TMC7: variants seen among roughly 807,000 people sequenced by gnomAD.
TMC7 encodes the protein transmembrane channel like 7, also known as transmembrane channel-like protein 7.
Under a neutral mutation model 82.9 loss-of-function variants are expected in TMC7, and 54 were observed. That is an observed-to-expected ratio of 0.65 (90% CI 0.52 to 0.82). The LOEUF (loss-of-function observed/expected upper bound fraction) is 0.82, where lower values mean the gene tolerates loss of function less well. Ranked by LOEUF, TMC7 falls within the 40% of genes least tolerant of loss-of-function variation. TMC7 has a pLI of 0.00. For synonymous variants in TMC7, 350 were observed against 337.9 expected (o/e 1.04, Z -0.39); for missense variants, 820 against 901.2 (o/e 0.91, Z 1.15).
At chr16:19,019,773 C>A (rs950657391) in intron 3 of TMC7, among the ~76,000 whole-genome samples, 5 of 152,102 alleles carry the variant, frequency 3.3e-5, no homozygotes, top group Non-Finnish European at 7.4e-5. Flanking sequence ...TCCCTGGGAA[C>A]CGGGATTTTG....
chr16:18,987,753 C>G (rs1182661527), intron 1 of TMC7, among the ~76,000 whole-genome samples: 1 of 152,174 alleles, frequency 6.6e-6, no homozygotes, highest in East Asian at 1.9e-4. Context: ...GTCCTTGCAG[C>G]CACACTGGCA....
rs752452812 is a variant in TMC7 at position 19,040,459 on chromosome 16, A to G, written c.1337+13A>G. 1.9e-6 allele frequency: 3 copies of G among 1,605,444 alleles called. No homozygotes were observed. Among genetic ancestry groups the G allele is most frequent in the Admixed American group, 1.7e-5 (1 of 59,628 alleles). On this transcript the variant is annotated intron_variant, in intron 9 of 15. Transcript: ENST00000304381. ...TGACAATCCTTAGGTAATGCCTAAC[A>G]TGAAGATGGCAGGCATGTCAAGCCA...
intron 13 of TMC7, among the ~76,000 whole-genome samples, chr16:19,052,212 G>A (rs974506189): frequency 1.2e-4 from 18 of 152,026 alleles, no homozygotes; most frequent in Non-Finnish European, 2.2e-4. Context: ...GATTACAGGC[G>A]TGACGCACTG....
At chr16:19,061,749 A>G (rs1474689276) in intron 15 of TMC7, 29 bp from the exon 16 acceptor site, 1 of 1,594,388 alleles carries the variant, frequency 6.3e-7, no homozygotes, top group Admixed American at 1.7e-5. Context: ...AAATATATTA[A>G]ATGTACATGT....
intron 10 of TMC7, 80 bp downstream of exon 10, chr16:19,045,081 G>A: frequency 8.4e-7 from 1 of 1,186,228 alleles, no homozygotes; most frequent in Non-Finnish European, 1.3e-6. Flanking sequence ...AGCGGTTGAA[G>A]CCATGGGTTT....
chr16:19,060,999 C>CT (rs34398653), intron 15 of TMC7, among the ~76,000 whole-genome samples: 152 of 129,110 alleles, frequency 1.2e-3, no homozygotes, highest in South Asian at 1.5e-3. Context: ...GATGGCCAGT[C>CT]TTTTTTTTTT....
In TMC7 at chr16:19,056,580, TCAA is replaced by T; in HGVS notation, c.1913_1915del (p.Asn638del). On this transcript the variant is annotated inframe_deletion, in exon 14 of 16. Transcript: ENST00000304381. Reference sequence around the variant, plus strand: ...AAAGCCTGTGGGCCGTTCACCAACTTCAACACCACCTGGGAGGTCATCCCCAAG... The same window carrying T: ...AAAGCCTGTGGGCCGTTCACCAACTTCACCACCTGGGAGGTCATCCCCAAG... 1 of 1,614,078 alleles carries T rather than the reference TCAA, an allele frequency of 6.2e-7. No homozygotes were observed. The highest frequency in any genetic ancestry group is 8.5e-7 in the Non-Finnish European group (1 of 1,179,996).
chr16:19,039,993 G>A (rs1298226686), intron 8 of TMC7, among the ~76,000 whole-genome samples: 1 of 151,572 alleles, frequency 6.6e-6, no homozygotes, highest in Non-Finnish European at 1.5e-5. Flanking sequence ...GGGGGTGCCT[G>A]TAGTCCCAGC....
intron 14 of TMC7, among the ~76,000 whole-genome samples, chr16:19,059,078 A>G (rs991712402): frequency 1.3e-5 from 2 of 152,064 alleles, no homozygotes; most frequent in South Asian, 2.1e-4. Context: ...GGGTTTCACC[A>G]TGTTGGTCAG....
At chr16:19,047,350 CA>C in intron 12 of TMC7, 101 bp downstream of exon 12, 1 of 882,342 alleles carries the variant, frequency 1.1e-6, no homozygotes, top group Non-Finnish European at 1.7e-6. Flanking sequence ...TGAGACGTAT[CA>C]AAATTACATC....
intron 5 of TMC7, among the ~76,000 whole-genome samples, chr16:19,025,218 GT>G (rs1960166571): frequency 6.6e-6 from 1 of 152,100 alleles, no homozygotes; most frequent in African/African-American, 2.4e-5. Flanking sequence ...ATGTTTCCTA[GT>G]GGACAAAATT....
chr16:19,004,926 T>C (rs995156353), intron 1 of TMC7, among the ~76,000 whole-genome samples: 164 of 151,790 alleles, frequency 1.1e-3, no homozygotes, highest in African/African-American at 3.9e-3. Context: ...TGGTCTTGAA[T>C]TCCTGGGCTC....
At chr16:19,005,184 G>C (rs1262878506) in intron 1 of TMC7, among the ~76,000 whole-genome samples, 1 of 151,942 alleles carries the variant, frequency 6.6e-6, no homozygotes, top group Non-Finnish European at 1.5e-5. Flanking sequence ...TGCCTCCTGG[G>C]TTCACGCCAT....
chr16:19,017,319 AAAT>A (rs1480892801), intron 3 of TMC7, among the ~76,000 whole-genome samples: 6 of 150,072 alleles, frequency 4.0e-5, no homozygotes, highest in South Asian at 2.1e-4. Context: ...TATTATTTAA[AAAT>A]AATATTAAAT....
chr16:18,990,949 A>T lies in TMC7; in HGVS notation c.67+6819A>T, dbSNP rs939469192. On this transcript the variant is annotated intron_variant, in intron 1 of 15. Coordinates refer to ENST00000304381, the MANE Select transcript of TMC7 (RefSeq NM_024847.4). Reference sequence around the variant, plus strand: ...ATGTATACGTGCAGGTCACTGGGATATGATGGCTTAGCTTGGACTCAGAGG... The same window carrying T: ...ATGTATACGTGCAGGTCACTGGGATTTGATGGCTTAGCTTGGACTCAGAGG... 2.0e-5 allele frequency among the ~76,000 whole-genome samples: 3 copies of T among 152,210 alleles called. No individual in the cohort carries two copies. In the South Asian group the frequency reaches 6.2e-4, roughly 32 times the overall value.
chr16:18,994,226 G>A (rs1186541709), intron 1 of TMC7, among the ~76,000 whole-genome samples: 1 of 152,118 alleles, frequency 6.6e-6, no homozygotes, highest in Non-Finnish European at 1.5e-5. Flanking sequence ...TGAAAGTTAT[G>A]AGAACTGTAG....
chr16:19,030,079 C>A, intron 5 of TMC7, 145 bp from the exon 6 acceptor site: 1 of 776,094 alleles, frequency 1.3e-6, no homozygotes, highest in Non-Finnish European at 2.1e-6. Flanking sequence ...TGAATACTCC[C>A]TGTGCCTCTG....
Position 19,021,778 on chromosome 16 carries a change from A to T in TMC7, c.610A>T (p.Ile204Phe). The change falls in exon 4 of 16, where the codon ATT (isoleucine) becomes TTT (phenylalanine). Residue 204 changes from isoleucine to phenylalanine, a missense_variant. This residue lies in a region of TMC7 where 650 missense variants were observed against 669.9 expected (regional missense o/e 0.97). Transcript: ENST00000304381. ...GATCACCAACAGCAGCTTCGTGCTC[A>T]TTCCTTTCAAAGACATGGGTGAGTG... Reference protein sequence around the residue: ...YKITNSSFVLIPFKDMDKQCT... With the variant: ...YKITNSSFVLFPFKDMDKQCT... The T allele has an allele frequency of 6.2e-7, 1 of 1,614,204 alleles. No homozygotes were observed. Among genetic ancestry groups the T allele is most frequent in the Non-Finnish European group, 8.5e-7 (1 of 1,180,038 alleles).
chr16:19,020,352 C>T lies in TMC7; in HGVS notation c.461-1277C>T, dbSNP rs146336230. ...GTTCTAGCCAATGTAGTAGGATGGG[C>T]GGGGGGAAGGATAATAATTGGAAAG... On this transcript the variant is annotated intron_variant, in intron 3 of 15. Coordinates refer to ENST00000304381, the MANE Select transcript of TMC7 (RefSeq NM_024847.4). 5.2e-4 allele frequency among the ~76,000 whole-genome samples: 79 copies of T among 151,562 alleles called. No homozygotes were observed. In the East Asian group the frequency reaches 0.011, roughly 21 times the overall value.
Sources: gnomAD v4.1 joint callset for allele counts (sites outside exome capture counted in the v4.1 genomes callset) on GRCh38, gnomAD v4.1.1 for gene constraint, gnomAD v4.1.1 regional missense constraint, MANE v1.5 for transcripts, NCBI Gene and HGNC (gene_info 2026-07-23, HGNC 2026-07-21) for gene names.